FURIN: variants seen among roughly 807,000 people sequenced by gnomAD.
FURIN encodes the protein furin, paired basic amino acid cleaving enzyme.
A neutral mutation model predicts 89.2 loss-of-function variants in FURIN; 18 were observed. The ratio of observed to expected loss-of-function variants is 0.20; its 90% confidence interval spans 0.14 to 0.30. FURIN has a LOEUF of 0.30. Ranked by LOEUF, FURIN falls within the 10% of genes least tolerant of loss-of-function variation. The pLI, the probability that FURIN is intolerant of heterozygous loss-of-function variation, is 1.00. For missense variants in FURIN, 879 were observed against 1,100.5 expected (o/e 0.80, Z 2.85); for synonymous variants, 508 against 466.4 (o/e 1.09, Z -1.15).
intron 2 of FURIN, 22 bp downstream of exon 2, chr15:90,875,939 A>G (rs754405432): frequency 5.2e-6 from 8 of 1,541,998 alleles, no homozygotes; most frequent in Non-Finnish European, 7.0e-6. Flanking sequence ...CCCACAGGAC[A>G]CTGCCAGGGG....
In FURIN at chr15:90,879,996, A is replaced by G; in HGVS notation, c.1376+12A>G. On this transcript the variant is annotated intron_variant, in intron 12 of 15. Transcript: ENST00000268171. ...CTCACCGAGCCCAAGTGAGGGCTGGACCCAGGCTGGGAGGGGGCCAGTGGG... is the reference window on the plus strand; with the variant it reads ...CTCACCGAGCCCAAGTGAGGGCTGGGCCCAGGCTGGGAGGGGGCCAGTGGG... The G allele has an allele frequency of 1.2e-6, 2 of 1,610,168 alleles. No homozygotes were observed. The highest frequency in any genetic ancestry group is 1.1e-5 in the South Asian group (1 of 90,982).
chr15:90,872,158 GC>G (rs1457575332), intron 1 of FURIN, among the ~76,000 whole-genome samples: 1 of 151,296 alleles, frequency 6.6e-6, no homozygotes, highest in Non-Finnish European at 1.5e-5. Context: ...CTTGGGCCTC[GC>G]CCCCGCCCGC....
chr15:90,881,117 T>G lies in FURIN; in HGVS notation c.1792+77T>G. On this transcript the variant is annotated intron_variant, in intron 15 of 15. Coordinates refer to ENST00000268171, the MANE Select transcript of FURIN (RefSeq NM_002569.4). This position sits in a 1 kb window ranked among gnomAD's most constrained non-coding sequence, Gnocchi z 4.3. ...GGGTGCCTGTCCTGAAGCCCAGCTC[T>G]AACAGAAAAAAGTCTCAAGAGACCT... 3.5e-5 allele frequency: 43 copies of G among 1,241,474 alleles called. No homozygotes were observed. In the South Asian group the frequency reaches 4.7e-4, roughly 14 times the overall value. 76.9% of individuals were successfully genotyped at this position (1,241,474 alleles called of 1,614,324 possible). A position where few individuals can be genotyped will look rare whatever the true frequency, so the allele number is the denominator to read the frequency against.
In FURIN at chr15:90,878,793, C is replaced by G; in HGVS notation, c.870C>G (p.Val290=). 2.5e-6 allele frequency: 4 copies of G among 1,611,020 alleles called. No individual in the cohort carries two copies. In the South Asian group the frequency reaches 4.4e-5, roughly 18 times the overall value. The change falls in exon 9 of 16, where the codon GTC becomes GTG. Residue 290 remains valine (V), a synonymous_variant. Coordinates refer to ENST00000268171, the MANE Select transcript of FURIN (RefSeq NM_002569.4). ...GAGGGGGGCTGGGCTCCATCTTTGTCTGGGCCTCGGGGAACGGGGGCCGGG... is the reference window on the plus strand; with the variant it reads ...GAGGGGGGCTGGGCTCCATCTTTGTGTGGGCCTCGGGGAACGGGGGCCGGG... The part of the protein sequence containing the change: ...QGRGGLGSIF[V]WASGNGGREH...
intron 1 of FURIN, among the ~76,000 whole-genome samples, chr15:90,873,801 A>G (rs1185002707): frequency 6.6e-6 from 1 of 152,094 alleles, no homozygotes. Context: ...CAGGAGCTGT[A>G]TTGTAGATGT....
rs1185256530 is a variant in FURIN, at chr15:90,876,825, A to T, written c.373-71A>T. 3 of 1,539,826 alleles carry T rather than the reference A, an allele frequency of 1.9e-6. No homozygotes were observed. The African/African-American group carries it at 4.1e-5, about 21-fold the overall frequency. On this transcript the variant is annotated intron_variant, in intron 4 of 15. Transcript: ENST00000268171. The surrounding 1 kb of genome is among the most constrained non-coding windows in gnomAD (Gnocchi z 5.0). ...GAGGAGGTTTTACGGGGGCAAAGGG[A>T]TTCTTCAAGATGCTCCTAGCCTCAC...
chr15:90,873,456 C>G (rs531434903), intron 1 of FURIN, among the ~76,000 whole-genome samples: 1 of 152,202 alleles, frequency 6.6e-6, no homozygotes, highest in South Asian at 2.1e-4. Flanking sequence ...GATTTGGGGG[C>G]TCCAGCAGGA....
At chr15:90,874,983 G>C (rs1276798092) in intron 1 of FURIN, among the ~76,000 whole-genome samples, 1 of 149,570 alleles carries the variant, frequency 6.7e-6, no homozygotes, top group African/African-American at 2.5e-5. Flanking sequence ...TTCTGATTTT[G>C]AGTGACTCAG....
Position 90,881,969 on chromosome 15 carries a change from AC to A in FURIN, c.*95del. On this transcript the variant is annotated 3_prime_UTR_variant, in exon 16 of 16. Transcript: ENST00000268171. This position sits in a 1 kb window ranked among gnomAD's most constrained non-coding sequence, Gnocchi z 4.3. ...TTTTTTATCTTGGGACTGGGTTTGGACCCCAGCTGGGAGGCAAGAGGGGTGG... is the reference window on the plus strand; with the variant it reads ...TTTTTTATCTTGGGACTGGGTTTGGACCCAGCTGGGAGGCAAGAGGGGTGG... The A allele has an allele frequency of 1.0e-6, 1 of 968,536 alleles. No individual in the cohort carries two copies. The highest frequency in any genetic ancestry group is 1.6e-6 in the Non-Finnish European group (1 of 644,654). The allele number at this position is 968,536 out of a possible 1,614,324, so 60.0% of individuals were successfully genotyped here.
At chr15:90,868,792 T>C (rs1246871970) in intron 1 of FURIN, 81 bp downstream of exon 1, 1 of 152,230 alleles carries the variant, frequency 6.6e-6, no homozygotes, top group African/African-American at 2.4e-5. Context: ...TCCTGAAAAA[T>C]GCAGGTAGGC....
In FURIN at chr15:90,877,571, A is replaced by G; in HGVS notation, c.623A>G (p.Asn208Ser). The G allele has an allele frequency of 6.3e-7, 1 of 1,579,610 alleles. No homozygotes were observed. Among genetic ancestry groups the G allele is most frequent in the Non-Finnish European group, 8.6e-7 (1 of 1,162,880 alleles). Residue 208 changes from asparagine to serine, a missense_variant, in exon 7 of 16, where the codon AAC (asparagine) becomes AGC (serine). By Grantham distance (46) the Asn-to-Ser change is conservative. This residue lies in a region of FURIN where 139 missense variants were observed against 215.0 expected (regional missense o/e 0.65). Coordinates refer to ENST00000268171, the MANE Select transcript of FURIN (RefSeq NM_002569.4). Reference protein sequence around the residue: ...CAGEVAAVANNGVCGVGVAYN... With the variant: ...CAGEVAAVANSGVCGVGVAYN... Reference sequence around the variant, plus strand: ...GGGGAAGTGGCTGCGGTGGCCAACAACGGTGTCTGTGGTGTAGGTGTGGCC... The same window carrying G: ...GGGGAAGTGGCTGCGGTGGCCAACAGCGGTGTCTGTGGTGTAGGTGTGGCC...
chr15:90,879,628 C>T (rs756449347), intron 10 of FURIN, 43 bp from the exon 11 acceptor site: 34 of 1,584,964 alleles, frequency 2.1e-5, no homozygotes, highest in Non-Finnish European at 2.9e-5. Flanking sequence ...AGAGCTGCTC[C>T]CAAAAAAGAC....
intron 1 of FURIN, among the ~76,000 whole-genome samples, chr15:90,873,758 G>A (rs1210296828): frequency 1.3e-5 from 2 of 152,178 alleles, no homozygotes; most frequent in African/African-American, 4.8e-5. Flanking sequence ...GGCCTGCCCT[G>A]GAAGTCCTGT....
At position 90,881,111 on chromosome 15, in the gene FURIN, C is replaced by T. The variant is rs1053984774; in HGVS notation, c.1792+71C>T. The T allele has an allele frequency of 1.5e-5, 19 of 1,249,682 alleles. No individual in the cohort carries two copies. Among genetic ancestry groups the T allele is most frequent in the Non-Finnish European group, 2.0e-5 (17 of 854,100 alleles). 77.4% of individuals were successfully genotyped at this position (1,249,682 alleles called of 1,614,324 possible). On this transcript the variant is annotated intron_variant, in intron 15 of 15. Coordinates refer to ENST00000268171, the MANE Select transcript of FURIN (RefSeq NM_002569.4). This position sits in a 1 kb window ranked among gnomAD's most constrained non-coding sequence, Gnocchi z 4.3. Reference sequence around the variant, plus strand: ...TAAGGCGGGTGCCTGTCCTGAAGCCCAGCTCTAACAGAAAAAAGTCTCAAG... The same window carrying T: ...TAAGGCGGGTGCCTGTCCTGAAGCCTAGCTCTAACAGAAAAAAGTCTCAAG...
In FURIN at chr15:90,881,228, TCC is replaced by T; in HGVS notation, c.1793-57_1793-56del. On this transcript the variant is annotated intron_variant, in intron 15 of 15. Transcript: ENST00000268171. This position sits in a 1 kb window ranked among gnomAD's most constrained non-coding sequence, Gnocchi z 4.3. ...GTGACTTGGCTTGGGGCTGCTGTGG[TCC>T]TGGGGCTACAGTCTGTTTAGCTGAC... is the stretch of plus-strand genomic sequence containing the variant. The T allele has an allele frequency of 2.9e-6, 4 of 1,386,562 alleles. No homozygotes were observed. Among genetic ancestry groups the T allele is most frequent in the Non-Finnish European group, 4.0e-6 (4 of 998,598 alleles). 85.9% of individuals were successfully genotyped at this position (1,386,562 alleles called of 1,614,324 possible). A position where few individuals can be genotyped will look rare whatever the true frequency, so the allele number is the denominator to read the frequency against.
chr15:90,878,698 A>G, intron 8 of FURIN, 66 bp from the exon 9 acceptor site: 1 of 930,752 alleles, frequency 1.1e-6, no homozygotes, highest in South Asian at 1.5e-5. Context: ...GTTTTCCAGC[A>G]GTGTCCTCCT....
At chr15:90,879,060 C>A in intron 9 of FURIN, 84 bp downstream of exon 9, 1 of 862,424 alleles carries the variant, frequency 1.2e-6, no homozygotes, top group Non-Finnish European at 1.8e-6. Context: ...GGCTGTCTGC[C>A]TCCACCCCCA....
At position 90,876,310 on chromosome 15, in the gene FURIN, C is replaced by T. The variant is rs748077747; in HGVS notation, c.233C>T (p.Ser78Leu). ...CGAGGAGTGACGAAGCGGTCCCTGT[C>T]GCCTCACCGCCCGCGGCACAGCCGG... is the stretch of plus-strand genomic sequence containing the variant. ...WHRGVTKRSL[S>L]PHRPRHSRLQ... The change falls in exon 3 of 16, where the codon TCG becomes TTG. Residue 78 changes from serine (S) to leucine (L), a missense_variant. Transcript: ENST00000268171. This position sits in a 1 kb window ranked among gnomAD's most constrained non-coding sequence, Gnocchi z 5.0. 45 of 1,612,726 alleles carry T rather than the reference C, an allele frequency of 2.8e-5. No individual in the cohort carries two copies. Among genetic ancestry groups the T allele is most frequent in the East Asian group, 2.7e-4 (12 of 44,892 alleles).
At chr15:90,880,899 T>C in intron 14 of FURIN, 31 bp from the exon 15 acceptor site, 1 of 1,611,602 alleles carries the variant, frequency 6.2e-7, no homozygotes, top group East Asian at 2.2e-5. Context: ...AGCACTGTCT[T>C]AACTCTTGCC....
Sources: allele counts gnomAD v4.1 joint callset (sites outside exome capture counted in the v4.1 genomes callset), GRCh38; gene constraint gnomAD v4.1.1; regional missense constraint gnomAD v4.1.1; non-coding constraint Gnocchi (gnomAD v3.1); transcripts MANE v1.5; gene names NCBI Gene and HGNC (gene_info 2026-07-23, HGNC 2026-07-21).